Variants in NCAM2 observed in about 807,000 individuals in gnomAD.
The protein encoded by NCAM2 is N-CAM-2.
Under a neutral mutation model 98.1 loss-of-function variants are expected in NCAM2, and 30 were observed. That is an observed-to-expected ratio of 0.31 (90% CI 0.23 to 0.41). The LOEUF (loss-of-function observed/expected upper bound fraction) is 0.41, where lower values mean the gene tolerates loss of function less well. NCAM2 is among the 10% of genes least tolerant of loss of function. NCAM2 has a pLI of 1.00. For missense variants in NCAM2, 867 were observed against 1,005.8 expected (o/e 0.86, Z 1.87); for synonymous variants, 368 against 342.4 (o/e 1.07, Z -0.83).
chr21:21,324,855 CAT>C (rs1363732477), intron 6 of NCAM2, among the ~76,000 whole-genome samples: 1 of 151,908 alleles, frequency 6.6e-6, no homozygotes, highest in Non-Finnish European at 1.5e-5. Context: ...ACACCACTGT[CAT>C]ATGTATACAA....
At chr21:21,293,169 T>C (rs2147584257) in intron 5 of NCAM2, among the ~76,000 whole-genome samples, 1 of 152,006 alleles carries the variant, frequency 6.6e-6, no homozygotes, top group Non-Finnish European at 1.5e-5. Flanking sequence ...TGTTGAACAA[T>C]TTCATCTCCA....
chr21:21,362,011 T>G (rs2075659301), intron 8 of NCAM2, among the ~76,000 whole-genome samples: 1 of 152,182 alleles, frequency 6.6e-6, no homozygotes, highest in Non-Finnish European at 1.5e-5. Flanking sequence ...TTAGCAAATT[T>G]TATTAGCCCT....
intron 1 of NCAM2, among the ~76,000 whole-genome samples, chr21:21,226,208 C>A (rs1055701460): frequency 5.3e-5 from 8 of 151,922 alleles, no homozygotes; most frequent in African/African-American, 1.5e-4. Context: ...TTGGGTGCTA[C>A]GTGCACTACT....
intron 1 of NCAM2, among the ~76,000 whole-genome samples, chr21:21,272,835 A>G (rs564534198): frequency 6.6e-6 from 1 of 152,128 alleles, no homozygotes; most frequent in African/African-American, 2.4e-5. Context: ...GAATTTTGAT[A>G]TGCCAAATTT....
At chr21:21,019,897 G>A (rs1428180702) in intron 1 of NCAM2, among the ~76,000 whole-genome samples, 1 of 152,142 alleles carries the variant, frequency 6.6e-6, no homozygotes, top group African/African-American at 2.4e-5. Context: ...TGTTAGCTGG[G>A]TGCTGTCGTG....
intron 9 of NCAM2, among the ~76,000 whole-genome samples, chr21:21,389,965 T>C (rs1292422814): frequency 1.3e-5 from 2 of 152,142 alleles, no homozygotes; most frequent in African/African-American, 4.8e-5. Flanking sequence ...TTCTCCTGCC[T>C]CAGCCTCCCG....
At chr21:21,486,085 C>T (rs1986328907) in intron 15 of NCAM2, among the ~76,000 whole-genome samples, 1 of 151,854 alleles carries the variant, frequency 6.6e-6, no homozygotes, top group African/African-American at 2.4e-5. Context: ...AGGTGGATCA[C>T]GAGGTCAGGA....
chr21:21,006,975 G>T (rs553157404), intron 1 of NCAM2, among the ~76,000 whole-genome samples: 3 of 152,102 alleles, frequency 2.0e-5, no homozygotes, highest in Non-Finnish European at 2.9e-5. Context: ...TATGGTTTTT[G>T]CTGGTGCTTG....
intron 1 of NCAM2, among the ~76,000 whole-genome samples, chr21:21,238,676 C>A (rs564072114): frequency 4.1e-4 from 62 of 152,192 alleles, no homozygotes; most frequent in Non-Finnish European, 4.9e-4. Context: ...CATCAGAGCA[C>A]TTTTCAAAAG....
chr21:21,424,978 G>A lies in NCAM2; in HGVS notation c.1480+6409G>A, dbSNP rs572053408. 9.3e-5 allele frequency among the ~76,000 whole-genome samples: 13 copies of A among 139,402 alleles called. No individual in the cohort carries two copies. The East Asian group carries it at 2.7e-3, about 29-fold the overall frequency. The allele number at this position is 139,402 out of a possible 152,430, so 91.5% of individuals were successfully genotyped here. A position where few individuals can be genotyped will look rare whatever the true frequency, so the allele number is the denominator to read the frequency against. On this transcript the variant is annotated intron_variant, in intron 11 of 17. Transcript: ENST00000400546. ...TTGAATCCAGGAGGCGGAAGTTGCAGTGAGCTGAGATCACACCATTACACT... is the reference window on the plus strand; with the variant it reads ...TTGAATCCAGGAGGCGGAAGTTGCAATGAGCTGAGATCACACCATTACACT...
intron 13 of NCAM2, 108 bp from the exon 14 acceptor site, chr21:21,468,554 G>A: frequency 9.1e-7 from 1 of 1,094,044 alleles, no homozygotes; most frequent in South Asian, 2.2e-5. Context: ...GGTAAATCCA[G>A]GATAACACCA....
chr21:21,096,698 C>A (rs2066131428), intron 1 of NCAM2, among the ~76,000 whole-genome samples: 1 of 151,368 alleles, frequency 6.6e-6, no homozygotes, highest in Non-Finnish European at 1.5e-5. Context: ...ACATTTTATT[C>A]TTTACTCTTT....
chr21:21,434,430 A>C (rs1030751966), intron 12 of NCAM2, among the ~76,000 whole-genome samples: 1 of 152,214 alleles, frequency 6.6e-6, no homozygotes, highest in South Asian at 2.1e-4. Context: ...TTTGAGGAAA[A>C]TGACAGCATT....
Position 21,292,128 on chromosome 21 carries a change from A to G in NCAM2, c.506A>G (p.Asn169Ser), listed in dbSNP as rs1362500143. Reference protein sequence around the residue: ...SDNRFAMLANNNLQILNINKS... With the variant: ...SDNRFAMLANSNLQILNINKS... Reference sequence around the variant, plus strand: ...GATCGGTTCGCTATGTTAGCAAACAATAACCTGCAGATTCTCAACATCAAT... The same window carrying G: ...GATCGGTTCGCTATGTTAGCAAACAGTAACCTGCAGATTCTCAACATCAAT... The change falls in exon 5 of 18, where the codon AAT becomes AGT. Residue 169 changes from asparagine to serine, a missense_variant. This residue lies in a region of NCAM2 where 447 missense variants were observed against 495.7 expected (regional missense o/e 0.90). Coordinates refer to ENST00000400546, the MANE Select transcript of NCAM2 (RefSeq NM_004540.5). The G allele has an allele frequency of 1.2e-6, 2 of 1,611,028 alleles. No homozygotes were observed. Among genetic ancestry groups the G allele is most frequent in the Non-Finnish European group, 1.7e-6 (2 of 1,178,354 alleles).
intron 5 of NCAM2, among the ~76,000 whole-genome samples, chr21:21,293,302 T>G (rs1214527392): frequency 2.0e-5 from 3 of 151,578 alleles, no homozygotes; most frequent in African/African-American, 4.8e-5. Context: ...TTTTTTTTCT[T>G]GAATTCATAC....
chr21:21,070,291 TA>T (rs1568989885), intron 1 of NCAM2, among the ~76,000 whole-genome samples: 1 of 148,530 alleles, frequency 6.7e-6, no homozygotes, highest in Non-Finnish European at 1.5e-5. Flanking sequence ...ATATATAATC[TA>T]ATATGTAAAT....
At position 21,530,107 on chromosome 21, in the gene NCAM2, A is replaced by G. The variant is rs186375419; in HGVS notation, c.2283-4430A>G. Among the ~76,000 whole-genome samples, 343 of 138,602 alleles carry G rather than the reference A, an allele frequency of 2.5e-3. 20 individuals are homozygous for G. Among genetic ancestry groups the G allele is most frequent in the Non-Finnish European group, 3.8e-3 (239 of 63,662 alleles). 90.9% of individuals were successfully genotyped at this position (138,602 alleles called of 152,430 possible). On this transcript the variant is annotated intron_variant, in intron 16 of 17. Coordinates refer to ENST00000400546, the MANE Select transcript of NCAM2 (RefSeq NM_004540.5). ...AATTTAATTTAATTTAATTATATAT[A>G]ATTTAATTTAATTTAATTATATATG...
chr21:21,362,475 C>G (rs2075670995), intron 8 of NCAM2, among the ~76,000 whole-genome samples: 1 of 151,868 alleles, frequency 6.6e-6, no homozygotes, highest in Non-Finnish European at 1.5e-5. Flanking sequence ...CTCACGGAAG[C>G]CTTGAACTCC....
intron 8 of NCAM2, among the ~76,000 whole-genome samples, 172 bp downstream of exon 8, chr21:21,338,706 A>C (rs566678584): frequency 6.6e-6 from 1 of 152,250 alleles, no homozygotes; most frequent in Admixed American, 6.5e-5. Context: ...CTTTCGTGGG[A>C]GGGGAAATGT....
Sources: allele counts gnomAD v4.1 joint callset (sites outside exome capture counted in the v4.1 genomes callset), GRCh38; gene constraint gnomAD v4.1.1; regional missense constraint gnomAD v4.1.1; transcripts MANE v1.5; gene names NCBI Gene and HGNC (gene_info 2026-07-23, HGNC 2026-07-21).